The following ZNF365 variants were observed in gnomAD, a reference collection of about 807,000 sequenced individuals.
ZNF365 encodes the protein protein ZNF365.
In ZNF365, 22 loss-of-function variants were observed where a neutral mutation model predicts 35.0. That is an observed-to-expected ratio of 0.63 (90% confidence interval 0.45 to 0.90). ZNF365 has a LOEUF of 0.90. ZNF365 is among the 40% of genes least tolerant of loss of function. The pLI is 0.00. For synonymous variants in ZNF365, 188 were observed against 196.2 expected (o/e 0.96, Z 0.35); for missense variants, 448 against 500.3 (o/e 0.90, Z 1.00).
At chr10:62,417,680 A>G (rs763677432) in intron 3 of ZNF365, among the ~76,000 whole-genome samples, 9 of 150,574 alleles carry the variant, frequency 6.0e-5, no homozygotes, top group Non-Finnish European at 8.9e-5. Flanking sequence ...TTTTTTTAAT[A>G]CTTGGGGAAA....
chr10:62,454,069 C>T (rs374320793), intron 3 of ZNF365, among the ~76,000 whole-genome samples: 16 of 152,180 alleles, frequency 1.1e-4, no homozygotes, highest in African/African-American at 2.9e-4. Context: ...CCTTTTTAAA[C>T]GTATACCTTG....
rs34014581 is a variant in ZNF365, at chr10:62,436,404, GAA to G, written c.925-23330_925-23329del. Among the ~76,000 whole-genome samples the G allele has an allele frequency of 4.2e-3, 634 of 151,758 alleles. 3 individuals carry two copies. The highest frequency in any genetic ancestry group is 7.9e-3 in the Non-Finnish European group (536 of 67,930). On this transcript the variant is annotated intron_variant, in intron 3 of 4. Transcript: ENST00000395255. ...AGGGAATCATTCTTTATATTTAGGA[GAA>G]AAAAAAGCCACTGGCAAAAAAATAA... is the stretch of plus-strand genomic sequence containing the variant.
chr10:62,457,533 C>T (rs187956063), intron 3 of ZNF365, among the ~76,000 whole-genome samples: 3 of 152,188 alleles, frequency 2.0e-5, no homozygotes, highest in African/African-American at 4.8e-5. Context: ...CTGCTAGCTA[C>T]ATATAGGGGA....
intron 3 of ZNF365, among the ~76,000 whole-genome samples, chr10:62,456,493 G>T (rs1217683613): frequency 6.6e-6 from 1 of 151,980 alleles, no homozygotes; most frequent in African/African-American, 2.4e-5. Context: ...GTATACTTTG[G>T]TATTAGTTAA....
At chr10:62,419,968 T>A (rs1327980995) in intron 3 of ZNF365, among the ~76,000 whole-genome samples, 1 of 152,072 alleles carries the variant, frequency 6.6e-6, no homozygotes, top group Non-Finnish European at 1.5e-5. Flanking sequence ...CTAAGATATA[T>A]CACAAAAAAA....
intron 3 of ZNF365, among the ~76,000 whole-genome samples, chr10:62,425,947 C>A (rs528664856): frequency 4.6e-5 from 7 of 152,210 alleles, no homozygotes; most frequent in African/African-American, 1.7e-4. Context: ...ATAAGATGCT[C>A]AAGTTGGTCA....
At chr10:62,409,076 G>T (rs768527384) in intron 3 of ZNF365, among the ~76,000 whole-genome samples, 1 of 152,120 alleles carries the variant, frequency 6.6e-6, no homozygotes, top group Non-Finnish European at 1.5e-5. Context: ...AGCTGAAAAT[G>T]CCACATGCTC....
chr10:62,415,728 G>A (rs1444191412), intron 3 of ZNF365, among the ~76,000 whole-genome samples: 1 of 152,142 alleles, frequency 6.6e-6, no homozygotes, highest in Non-Finnish European at 1.5e-5. Context: ...TTGTGTGTTT[G>A]AGGCTCCTCA....
intron 4 of ZNF365, 145 bp from the exon 5 acceptor site, chr10:62,399,383 A>G (rs1280801958): frequency 6.6e-6 from 8 of 1,218,100 alleles, no homozygotes; most frequent in Non-Finnish European, 7.9e-6. Context: ...AAAAATACTC[A>G]TATTATGATT....
intron 2 of ZNF365, among the ~76,000 whole-genome samples, chr10:62,384,219 T>G (rs1839488698): frequency 6.6e-6 from 1 of 151,994 alleles, no homozygotes; most frequent in African/African-American, 2.4e-5. Flanking sequence ...TGAGTTTCAC[T>G]CAGGTTGGCC....
At chr10:62,434,641 T>C (rs913959484) in intron 3 of ZNF365, among the ~76,000 whole-genome samples, 61 of 152,282 alleles carry the variant, frequency 4.0e-4, no homozygotes, top group African/African-American at 1.4e-3. Flanking sequence ...CCACTTGAAG[T>C]AGGAAAGCCT....
At chr10:62,374,951 G>A (rs1839291438) in intron 1 of ZNF365, among the ~76,000 whole-genome samples, 1 of 152,164 alleles carries the variant, frequency 6.6e-6, no homozygotes, top group Non-Finnish European at 1.5e-5. Flanking sequence ...ACATCCCGGT[G>A]TACCCATCAC....
intron 4 of ZNF365, among the ~76,000 whole-genome samples, chr10:62,468,570 G>A (rs775775690): frequency 6.6e-6 from 1 of 152,112 alleles, no homozygotes; most frequent in African/African-American, 2.4e-5. Flanking sequence ...GTTGAAGAAT[G>A]GTGAAATCAC....
In ZNF365 at chr10:62,422,091, G is replaced by A. The variant is rs566562633; in HGVS notation, c.924+33515G>A. Reference sequence around the variant, plus strand: ...CCAAGTATTACCATTCTACAGGGCAGCATGTTGGTCCATTATATGGATGAG... The same window carrying A: ...CCAAGTATTACCATTCTACAGGGCAACATGTTGGTCCATTATATGGATGAG... On this transcript the variant is annotated intron_variant, in intron 3 of 4. Transcript: ENST00000395255. Among the ~76,000 whole-genome samples, 8 of 152,290 alleles carry A rather than the reference G, an allele frequency of 5.3e-5. No individual in the cohort carries two copies. The South Asian group carries it at 1.5e-3, about 28-fold the overall frequency.
chr10:62,459,845 A>C lies in ZNF365; in HGVS notation c.981+48A>C, dbSNP rs1220694260. ...TGGGTTGGGCCTGGTTACAATAACCAGCAGCCCATCTGGGTCCATATGAGA... is the reference window on the plus strand; with the variant it reads ...TGGGTTGGGCCTGGTTACAATAACCCGCAGCCCATCTGGGTCCATATGAGA... On this transcript the variant is annotated intron_variant, in intron 4 of 4. Transcript: ENST00000395255. 12 of 1,554,198 alleles carry C rather than the reference A, an allele frequency of 7.7e-6. No individual in the cohort carries two copies. The Admixed American group carries it at 2.2e-4, about 29-fold the overall frequency.
downstream of ZNF365, among the ~76,000 whole-genome samples, chr10:62,404,341 G>A (rs998360246): frequency 1.3e-5 from 2 of 152,210 alleles, no homozygotes; most frequent in Non-Finnish European, 2.9e-5. Context: ...CATATTTTGT[G>A]TGGCTGCAAA....
intron 3 of ZNF365, among the ~76,000 whole-genome samples, chr10:62,430,328 C>G: frequency 6.6e-6 from 1 of 150,664 alleles, no homozygotes; most frequent in African/African-American, 2.4e-5. Flanking sequence ...CTACAGGTGC[C>G]CGCCACCACG....
chr10:62,434,420 T>C (rs1188266189), intron 3 of ZNF365, among the ~76,000 whole-genome samples: 1 of 152,154 alleles, frequency 6.6e-6, no homozygotes, highest in Non-Finnish European at 1.5e-5. Context: ...TAACCTCAGG[T>C]GCTCAAGGAC....
chr10:62,419,984 A>G (rs1393959785), intron 3 of ZNF365, among the ~76,000 whole-genome samples: 1 of 152,102 alleles, frequency 6.6e-6, no homozygotes, highest in East Asian at 1.9e-4. Flanking sequence ...AAAAATATAT[A>G]AATTTAGAGA....
Sources: allele counts gnomAD v4.1 joint callset (sites outside exome capture counted in the v4.1 genomes callset), GRCh38; gene constraint gnomAD v4.1.1; transcripts MANE v1.5; gene names NCBI Gene and HGNC (gene_info 2026-07-23, HGNC 2026-07-21).